Variants in ZBTB16 observed in about 807,000 individuals in gnomAD.
ZBTB16 encodes the protein zinc finger and BTB domain-containing protein 16.
In ZBTB16, 8 loss-of-function variants were observed where a neutral mutation model predicts 56.8. The ratio of observed to expected loss-of-function variants is 0.14; its 90% CI spans 0.08 to 0.25. The LOEUF (loss-of-function observed/expected upper bound fraction) is 0.25. Ranked by LOEUF, ZBTB16 falls within the 10% of genes least tolerant of loss-of-function variation. ZBTB16 has a pLI of 1.00. For synonymous variants in ZBTB16, 363 were observed against 368.5 expected (o/e 0.98, Z 0.17); for missense variants, 625 against 903.0 (o/e 0.69, Z 3.95).
At chr11:114,127,570 T>A (rs1941543831) in intron 2 of ZBTB16, among the ~76,000 whole-genome samples, 1 of 152,214 alleles carries the variant, frequency 6.6e-6, no homozygotes, top group South Asian at 2.1e-4. Context: ...AAGAATACTT[T>A]GCTTTTCAGG....
rs57401794 is a variant in ZBTB16 at position 114,128,057 on chromosome 11, G to A, written c.1269-28280G>A. 2.3e-3 allele frequency among the ~76,000 whole-genome samples: 350 copies of A among 152,316 alleles called. 2 individuals are homozygous for A. The highest frequency in any genetic ancestry group is 7.2e-3 in the African/African-American group (300 of 41,578). On this transcript the variant is annotated intron_variant, in intron 2 of 6. Transcript: ENST00000335953. ...TTCAGTGGGAAGGGTATAGGGCTGG[G>A]AGTTGTCTGGATCTAAGCCTTTCTT...
Position 114,252,083 on chromosome 11 carries a change from C to A in ZBTB16, c.*1528C>A, listed in dbSNP as rs1434385694. 1.3e-5 allele frequency among the ~76,000 whole-genome samples: 2 copies of A among 152,112 alleles called. No individual in the cohort carries two copies. Among genetic ancestry groups the A allele is most frequent in the African/African-American group, 2.4e-5 (1 of 41,414 alleles). On this transcript the variant is annotated 3_prime_UTR_variant, in exon 7 of 7. Transcript: ENST00000335953. ...TGCAGGAGGAGTTGATACTCAGGAT[C>A]TGAATGTGAGGGCCGAGGAGGGCGA...
chr11:114,101,433 T>C (rs946302489), intron 2 of ZBTB16, among the ~76,000 whole-genome samples: 5 of 152,178 alleles, frequency 3.3e-5, no homozygotes, highest in African/African-American at 1.2e-4. Flanking sequence ...TTTGGGGCCA[T>C]AGAAGTATGT....
At chr11:114,082,502 T>C (rs2137700543) in intron 2 of ZBTB16, among the ~76,000 whole-genome samples, 1 of 152,288 alleles carries the variant, frequency 6.6e-6, no homozygotes, top group African/African-American at 2.4e-5. Context: ...GTTGGAGCCT[T>C]GGAAGGCATT....
In ZBTB16 at chr11:114,063,122, A is replaced by G. The variant is rs1019126544; in HGVS notation, c.-90-89A>G. 10 of 671,714 alleles carry G rather than the reference A, an allele frequency of 1.5e-5. No individual in the cohort carries two copies. In the Admixed American group the frequency reaches 2.5e-4, roughly 17 times the overall value. 41.6% of individuals were successfully genotyped at this position (671,714 alleles called of 1,614,324 possible). A position where few individuals can be genotyped will look rare whatever the true frequency, so the allele number is the denominator to read the frequency against. On this transcript the variant is annotated intron_variant, in intron 1 of 6. Transcript: ENST00000335953. This position sits in a 1 kb window ranked among gnomAD's most constrained non-coding sequence, Gnocchi z 6.5. ...CAACAGGGAGGAGGGGGCATGTTGT[A>G]GTGGTTGAATTCTTACTTTTAGGGA... is the stretch of plus-strand genomic sequence containing the variant.
At chr11:114,178,123 T>G (rs1943162465) in intron 3 of ZBTB16, among the ~76,000 whole-genome samples, 1 of 152,158 alleles carries the variant, frequency 6.6e-6, no homozygotes, top group African/African-American at 2.4e-5. Context: ...TGACCCCATC[T>G]TTACTGGTGT....
At chr11:114,077,944 A>C (rs1020705555) in intron 2 of ZBTB16, among the ~76,000 whole-genome samples, 2 of 152,176 alleles carry the variant, frequency 1.3e-5, no homozygotes, top group African/African-American at 4.8e-5. Context: ...TTAACAACCT[A>C]TGAGGAGTAG....
chr11:114,086,420 C>T (rs1939959959), intron 2 of ZBTB16, among the ~76,000 whole-genome samples: 1 of 152,142 alleles, frequency 6.6e-6, no homozygotes, highest in Non-Finnish European at 1.5e-5. Flanking sequence ...GCTTCCTCTT[C>T]TGTCTCCTGT....
chr11:114,255,157 C>A lies in ZBTB16; in HGVS notation c.*4602C>A, dbSNP rs1005405880. Reference sequence around the variant, plus strand: ...TTATAGCACTGAGGGCCCTGCTGCCCTGCTGGACCAAGCAAAACTAAGCCT... The same window carrying A: ...TTATAGCACTGAGGGCCCTGCTGCCATGCTGGACCAAGCAAAACTAAGCCT... On this transcript the variant is annotated 3_prime_UTR_variant, in exon 7 of 7. Transcript: ENST00000335953. Among the ~76,000 whole-genome samples, 17 of 152,158 alleles carry A rather than the reference C, an allele frequency of 1.1e-4. No homozygotes were observed. The highest frequency in any genetic ancestry group is 1.2e-4 in the Non-Finnish European group (8 of 68,040).
chr11:114,074,396 A>G (rs1939461928), intron 2 of ZBTB16, among the ~76,000 whole-genome samples: 1 of 151,994 alleles, frequency 6.6e-6, no homozygotes, highest in African/African-American at 2.4e-5. Flanking sequence ...AATTTGGGGG[A>G]GCTTTTTATG....
intron 4 of ZBTB16, among the ~76,000 whole-genome samples, chr11:114,227,530 T>TA (rs1364107206): frequency 6.6e-6 from 1 of 152,204 alleles, no homozygotes; most frequent in Non-Finnish European, 1.5e-5. Context: ...AACCAAGAGA[T>TA]AGAGTGCTGT....
chr11:114,209,485 C>T (rs1943953958), intron 4 of ZBTB16: 10 of 985,374 alleles, frequency 1.0e-5, no homozygotes, highest in Non-Finnish European at 1.2e-5. Context: ...AGGCCCCTCT[C>T]CCCAGACCCT....
chr11:114,084,277 C>A (rs1161421760), intron 2 of ZBTB16, among the ~76,000 whole-genome samples: 1 of 152,212 alleles, frequency 6.6e-6, no homozygotes, highest in South Asian at 2.1e-4. Context: ...TTGCTCCATG[C>A]CCACTGTAGG....
intron 4 of ZBTB16, among the ~76,000 whole-genome samples, chr11:114,209,157 A>T (rs1943948003): frequency 6.6e-6 from 1 of 152,250 alleles, no homozygotes; most frequent in Admixed American, 6.5e-5. Flanking sequence ...TCATGGATGC[A>T]GAAAAGGTGG....
intron 2 of ZBTB16, among the ~76,000 whole-genome samples, chr11:114,071,600 CA>C (rs1939350734): frequency 6.6e-6 from 1 of 152,186 alleles, no homozygotes; most frequent in South Asian, 2.1e-4. Context: ...CTTTTCCAAT[CA>C]CTTTAATTTT....
chr11:114,191,480 C>A (rs566464024), intron 4 of ZBTB16, among the ~76,000 whole-genome samples: 6 of 152,258 alleles, frequency 3.9e-5, no homozygotes, highest in African/African-American at 1.2e-4. Context: ...GAAGGCCGTA[C>A]CATCTAGGCT....
intron 2 of ZBTB16, among the ~76,000 whole-genome samples, chr11:114,133,797 G>T (rs77328974): frequency 6.6e-6 from 1 of 152,216 alleles, no homozygotes; most frequent in African/African-American, 2.4e-5. Flanking sequence ...TTGGCCCCAT[G>T]GTCCTCAGAG....
intron 4 of ZBTB16, among the ~76,000 whole-genome samples, chr11:114,222,333 C>T (rs3781990): frequency 0.066 from 10,019 of 152,208 alleles, 438 homozygotes; most frequent in Middle Eastern, 0.14. Flanking sequence ...TCCCCCAACC[C>T]CCAAAATATA....
At chr11:114,249,457 CAAAAAAAAAAAA>C (rs57092004) in intron 6 of ZBTB16, among the ~76,000 whole-genome samples, 1 of 24,198 alleles carries the variant, frequency 4.1e-5, no homozygotes, top group Non-Finnish European at 6.9e-5. Flanking sequence ...GACTCCATCT[CAAAAAAAAAAAA>C]AAAAAAAAAA....
Sources: gnomAD v4.1 joint callset for allele counts (sites outside exome capture counted in the v4.1 genomes callset) on GRCh38, gnomAD v4.1.1 for gene constraint, Gnocchi (gnomAD v3.1) non-coding constraint, MANE v1.5 for transcripts, NCBI Gene and HGNC (gene_info 2026-07-23, HGNC 2026-07-21) for gene names.